ERMP1: variants seen among roughly 807,000 people sequenced by gnomAD.
The protein encoded by ERMP1 is Felix-ina.
A neutral mutation model predicts 92.0 loss-of-function variants in ERMP1; 86 were observed. That is an observed-to-expected ratio of 0.93 (90% CI 0.79 to 1.12). The LOEUF is 1.12. Ranked by LOEUF, ERMP1 falls within the 50% of genes most tolerant of loss-of-function variation. The pLI is 0.00. For missense variants in ERMP1, 1,342 were observed against 1,116.3 expected, an observed-to-expected ratio of 1.20 and a Z score of -2.88; for synonymous variants, 530 against 412.8, an observed-to-expected ratio of 1.28 and a Z score of -3.44.
At chr9:5,803,159 T>C (rs1294009763) in intron 10 of ERMP1, among the ~76,000 whole-genome samples, 3 of 152,212 alleles carry the variant, frequency 2.0e-5, no homozygotes, top group Non-Finnish European at 4.4e-5. Context: ...ATATGCATTG[T>C]GGTTCAATTC....
chr9:5,823,683 A>G (rs1028761130), intron 4 of ERMP1, among the ~76,000 whole-genome samples: 8 of 151,594 alleles, frequency 5.3e-5, no homozygotes, highest in African/African-American at 2.0e-4. Flanking sequence ...TGGTTTGAAC[A>G]ACACTTGGCA....
rs114370178 is a variant in ERMP1 at position 5,832,645 on chromosome 9, C to G, written c.338+45G>C. On this transcript the variant is annotated intron_variant, in intron 1 of 14. Coordinates refer to ENST00000339450, the MANE Select transcript of ERMP1 (RefSeq NM_024896.3). The stretch of plus-strand genomic sequence containing the variant: ...CGGTGCCCCGGAGCCTGCGCAGGAG[C>G]CGCAAACGGACGCGCGGGCCGTGCC... 1.5e-3 allele frequency: 1,966 copies of G among 1,343,122 alleles called. 36 individuals carry two copies. The African/African-American group carries it at 0.028, about 19-fold the overall frequency. 83.2% of individuals were successfully genotyped at this position (1,343,122 alleles called of 1,614,324 possible). A position where few individuals can be genotyped will look rare whatever the true frequency, so the allele number is the denominator to read the frequency against.
chr9:5,837,180 T>C (rs978639199), upstream of ERMP1, among the ~76,000 whole-genome samples: 1 of 152,218 alleles, frequency 6.6e-6, no homozygotes, highest in African/African-American at 2.4e-5. Flanking sequence ...AGACAGGTTC[T>C]AACTATGTTG....
chr9:5,856,248 A>G, intron 6 of ERMP1: 1 of 285,808 alleles, frequency 3.5e-6, no homozygotes, highest in Non-Finnish European at 7.1e-6. Context: ...TAGGTGTGTG[A>G]TCACATGGTC....
At chr9:5,856,058 G>A in intron 6 of ERMP1, 1 of 388,334 alleles carries the variant, frequency 2.6e-6, no homozygotes, top group Non-Finnish European at 5.1e-6. Flanking sequence ...GCTGCAAGGA[G>A]GGTGAATCCA....
intron 5 of ERMP1, among the ~76,000 whole-genome samples, chr9:5,861,201 G>C (rs1017144139): frequency 5.3e-4 from 79 of 150,088 alleles, no homozygotes; most frequent in African/African-American, 1.8e-3. Flanking sequence ...GTGTGTGTGT[G>C]TGTGTGTGTG....
At chr9:5,812,337 T>C (rs984673541) in intron 5 of ERMP1, 120 bp from the exon 6 acceptor site, 31 of 605,918 alleles carry the variant, frequency 5.1e-5, no homozygotes, top group Non-Finnish European at 8.6e-5. Flanking sequence ...ACGATTGCTT[T>C]GTCACATTTA....
chr9:5,797,736 A>T, intron 13 of ERMP1, 81 bp downstream of exon 13: 1 of 832,676 alleles, frequency 1.2e-6, no homozygotes, highest in Non-Finnish European at 2.0e-6. Context: ...CCTGTGATAT[A>T]TCTGAGGGAA....
intron 8 of ERMP1, among the ~76,000 whole-genome samples, chr9:5,808,376 G>T (rs939052504): frequency 6.6e-6 from 1 of 152,148 alleles, no homozygotes; most frequent in Admixed American, 6.5e-5. Context: ...TGAGCCCCAC[G>T]GTATAATTCT....
At position 5,801,289 on chromosome 9, in the gene ERMP1, T is replaced by A. The variant is rs1447444865; in HGVS notation, c.1954A>T (p.Met652Leu). The change falls in exon 11 of 15, where the codon ATG becomes TTG. Residue 652 changes from methionine (M) to leucine (L), a missense_variant. Physicochemically the swap from Met to Leu is conservative, Grantham distance 15. Coordinates refer to ENST00000339450, the MANE Select transcript of ERMP1 (RefSeq NM_024896.3). The stretch of plus-strand genomic sequence containing the variant: ...GCACATACCAAAGTTAAAGTTAGCA[T>A]GGTTTTTTTTGTGCTCTTGGCAAGG... ...IYLAKSTKKT[M>L]LTLTLVCAIT... 7 of 1,613,320 alleles carry A rather than the reference T, an allele frequency of 4.3e-6. No homozygotes were observed. The highest frequency in any genetic ancestry group is 5.9e-6 in the Non-Finnish European group (7 of 1,179,750).
Position 5,786,837 on chromosome 9 carries a change from C to T in ERMP1, c.*307G>A. The T allele has an allele frequency of 5.0e-6, 1 of 200,568 alleles. No individual in the cohort carries two copies. The highest frequency in any genetic ancestry group is 1.0e-5 in the Non-Finnish European group (1 of 98,354). 12.4% of individuals were successfully genotyped at this position (200,568 alleles called of 1,614,324 possible). ...TACATCTTTCTTGATCCTAAAGGGG[C>T]AGCTATTGAAGTGGATTGTTGGCTT... On this transcript the variant is annotated 3_prime_UTR_variant, in exon 15 of 15. Transcript: ENST00000339450.
chr9:5,807,768 C>T (rs201556738), intron 8 of ERMP1, among the ~76,000 whole-genome samples: 31 of 151,588 alleles, frequency 2.0e-4, no homozygotes, highest in Non-Finnish European at 3.8e-4. Context: ...AAAAAAAAAA[C>T]GGAAACAATT....
In ERMP1 at chr9:5,795,252, A is replaced by T. The variant is rs1828370293; in HGVS notation, c.2386+2565T>A. ...GAATAGAGGGAACTTCCTCAGTCTCATAAAAAACATCTACCAAAAAACGTA... is the reference window on the plus strand; with the variant it reads ...GAATAGAGGGAACTTCCTCAGTCTCTTAAAAAACATCTACCAAAAAACGTA... On this transcript the variant is annotated intron_variant, in intron 13 of 14. Transcript: ENST00000339450. Among the ~76,000 whole-genome samples, 3 of 152,344 alleles carry T rather than the reference A, an allele frequency of 2.0e-5. No individual in the cohort carries two copies. In the South Asian group the frequency reaches 6.2e-4, roughly 32 times the overall value.
chr9:5,799,276 C>T (rs953533736), intron 11 of ERMP1, among the ~76,000 whole-genome samples: 5 of 152,104 alleles, frequency 3.3e-5, no homozygotes, highest in African/African-American at 1.2e-4. Context: ...ACTTAAAAGA[C>T]GTTAATGTTA....
At chr9:5,859,428 G>A (rs1011361755) in intron 6 of ERMP1, among the ~76,000 whole-genome samples, 2 of 152,196 alleles carry the variant, frequency 1.3e-5, no homozygotes, top group African/African-American at 4.8e-5. Flanking sequence ...CACAGGCTCT[G>A]AGGAATTTAA....
chr9:5,797,984 T>C, intron 12 of ERMP1, 52 bp from the exon 13 acceptor site: 1 of 1,090,670 alleles, frequency 9.2e-7, no homozygotes, highest in Non-Finnish European at 1.4e-6. Context: ...TTGATGGCTA[T>C]CTGTAACTCA....
intron 2 of ERMP1, among the ~76,000 whole-genome samples, 160 bp from the exon 3 acceptor site, chr9:5,825,379 G>T (rs934191220): frequency 6.6e-6 from 1 of 152,196 alleles, no homozygotes; most frequent in Non-Finnish European, 1.5e-5. Flanking sequence ...ACACCCACCA[G>T]CAGTAAGTTC....
Position 5,810,121 on chromosome 9 carries a change from G to A in ERMP1, c.1438C>T (p.Gln480Ter), listed in dbSNP as rs759485756. ...IIAVFISLIG[Q>*]SLSWYNHFYV... ...AAGTGGTTATACCATGAGAGAGACT[G>A]TCCAATAAGAGAGATGAACACTGCT... The change falls in exon 8 of 15, where the codon CAG becomes TAG. Residue 480 changes from glutamine (Q) to a stop codon, truncating the protein, a stop_gained. Transcript: ENST00000339450. LOFTEE classifies it high-confidence loss of function. 3.7e-6 allele frequency: 6 copies of A among 1,613,530 alleles called. No individual in the cohort carries two copies. In the African/African-American group the frequency reaches 4.0e-5, roughly 11 times the overall value.
Position 5,830,909 on chromosome 9 carries a change from C to A in ERMP1, c.458G>T (p.Ser153Ile). The change falls in exon 2 of 15, where the codon AGC becomes ATC. Residue 153 changes from serine (S) to isoleucine (I), a missense_variant. Ser to Ile is a moderately radical substitution (Grantham distance 142, BLOSUM62 -2). Coordinates refer to ENST00000339450, the MANE Select transcript of ERMP1 (RefSeq NM_024896.3). ...TACATCTACTGAAATCTTATGAAGG[C>A]TGTTGCTTTGCACTTCAATCAGTTT... The part of the protein sequence containing the change: ...QIKLIEVQSN[S>I]LHKISVDVQR... The A allele has an allele frequency of 6.2e-7, 1 of 1,614,110 alleles. No homozygotes were observed. Among genetic ancestry groups the A allele is most frequent in the Non-Finnish European group, 8.5e-7 (1 of 1,179,990 alleles).
Sources: allele counts gnomAD v4.1 joint callset (sites outside exome capture counted in the v4.1 genomes callset), GRCh38; gene constraint gnomAD v4.1.1; transcripts MANE v1.5; gene names NCBI Gene and HGNC (gene_info 2026-07-23, HGNC 2026-07-21).